SLC16A1: variants seen among roughly 807,000 people sequenced by gnomAD.
SLC16A1 encodes monocarboxylate transporter 1.
A neutral mutation model predicts 32.2 loss-of-function variants in SLC16A1; 11 were observed. The observed-to-expected ratio is 0.34, with a 90% CI of 0.21 to 0.56. The LOEUF (loss-of-function observed/expected upper bound fraction) is 0.56, where lower values mean the gene tolerates loss of function less well. SLC16A1 is among the 20% of genes least tolerant of loss of function. SLC16A1 has a pLI of 0.87. For missense variants in SLC16A1, 435 were observed against 615.0 expected (o/e 0.71, Z 3.10); for synonymous variants, 231 against 226.8 (o/e 1.02, Z -0.17).
At chr1:112,945,295 G>A (rs532147712) in intron 1 of SLC16A1, among the ~76,000 whole-genome samples, 22 of 152,078 alleles carry the variant, frequency 1.4e-4, no homozygotes, top group Admixed American at 6.5e-4. Context: ...GTGCCTGGCC[G>A]GAAACATTTT....
intron 1 of SLC16A1, among the ~76,000 whole-genome samples, chr1:112,947,296 TA>T (rs1337105349): frequency 2.6e-5 from 4 of 152,252 alleles, no homozygotes; most frequent in East Asian, 1.9e-4. Flanking sequence ...CTGGCTGGAT[TA>T]AAGTTACAAA....
At chr1:112,925,814 G>A (rs1338387441) in intron 2 of SLC16A1, among the ~76,000 whole-genome samples, 1 of 152,150 alleles carries the variant, frequency 6.6e-6, no homozygotes, top group African/African-American at 2.4e-5. Context: ...CATATATTCA[G>A]AATATACTAA....
At chr1:112,926,770 A>T (rs1273201054) in intron 2 of SLC16A1, among the ~76,000 whole-genome samples, 1 of 151,916 alleles carries the variant, frequency 6.6e-6, no homozygotes, top group Non-Finnish European at 1.5e-5. Context: ...GCTACTTGGC[A>T]GGGTGAAGGG....
Position 112,917,060 on chromosome 1 carries a change from T to G in SLC16A1, c.1228+118A>C. On this transcript the variant is annotated intron_variant, in intron 4 of 4. Transcript: ENST00000369626. This position sits in a 1 kb window ranked among gnomAD's most constrained non-coding sequence, Gnocchi z 4.1. ...GCATTGTCCCAGCATCAAGGGTACA[T>G]AAATGAGAAAGATTTATTCTTACCC... 7.8e-7 allele frequency: 1 copy of G among 1,288,812 alleles called. No homozygotes were observed. The highest frequency in any genetic ancestry group is 1.1e-6 in the Non-Finnish European group (1 of 908,794). The allele number at this position is 1,288,812 out of a possible 1,614,324, so 79.8% of individuals were successfully genotyped here.
chr1:112,932,553 C>T (rs908141536), intron 1 of SLC16A1, among the ~76,000 whole-genome samples: 5 of 151,940 alleles, frequency 3.3e-5, no homozygotes, highest in African/African-American at 1.2e-4. Flanking sequence ...CTGTAATCCC[C>T]AGCACTTTGG....
intron 1 of SLC16A1, among the ~76,000 whole-genome samples, chr1:112,938,845 T>C (rs945343031): frequency 1.3e-5 from 2 of 152,102 alleles, no homozygotes; most frequent in Admixed American, 6.6e-5. Flanking sequence ...ATTATTTACA[T>C]AGACCACTCT....
At chr1:112,943,057 TAAG>T (rs1649564456) in intron 1 of SLC16A1, among the ~76,000 whole-genome samples, 1 of 152,206 alleles carries the variant, frequency 6.6e-6, no homozygotes. Flanking sequence ...ATTCTCCTTG[TAAG>T]AAAATGACTT....
chr1:112,936,642 A>T (rs1649319705), intron 1 of SLC16A1, among the ~76,000 whole-genome samples: 1 of 151,930 alleles, frequency 6.6e-6, no homozygotes, highest in Non-Finnish European at 1.5e-5. Flanking sequence ...TTCCTTTGAG[A>T]TTTTTATTGC....
chr1:112,920,695 T>C (rs930574637), intron 3 of SLC16A1, among the ~76,000 whole-genome samples: 1 of 152,076 alleles, frequency 6.6e-6, no homozygotes, highest in East Asian at 1.9e-4. Flanking sequence ...TGGACAAATA[T>C]TTTCATAATC....
chr1:112,923,722 T>C (rs1648825002), intron 2 of SLC16A1: 17 of 1,537,250 alleles, frequency 1.1e-5, no homozygotes, highest in Non-Finnish European at 1.5e-5. Flanking sequence ...GAAGAGACAC[T>C]GAGTGCCTGC....
intron 2 of SLC16A1, among the ~76,000 whole-genome samples, chr1:112,927,625 C>T (rs887637726): frequency 6.6e-6 from 1 of 151,996 alleles, no homozygotes; most frequent in African/African-American, 2.4e-5. Flanking sequence ...AAGGATAGGC[C>T]TAATTAGCTA....
At chr1:112,915,293 A>C (rs932658841) in intron 4 of SLC16A1, among the ~76,000 whole-genome samples, 6 of 152,152 alleles carry the variant, frequency 3.9e-5, no homozygotes, top group Non-Finnish European at 8.8e-5. Flanking sequence ...TGGGATTTGC[A>C]GGATAGGAAT....
At chr1:112,939,691 G>A (rs1389307956) in intron 1 of SLC16A1, among the ~76,000 whole-genome samples, 1 of 151,754 alleles carries the variant, frequency 6.6e-6, no homozygotes, top group Non-Finnish European at 1.5e-5. Flanking sequence ...TTATTAGTAG[G>A]AAGGGGTTTC....
chr1:112,916,496 T>TAAAAAAAAA (rs570173297), intron 4 of SLC16A1, among the ~76,000 whole-genome samples: 1 of 61,202 alleles, frequency 1.6e-5, no homozygotes, highest in African/African-American at 6.4e-5. Context: ...AAGACTGTCT[T>TAAAAAAAAA]AAAAAAAAAA....
chr1:112,922,600 C>A (rs1271803079), intron 2 of SLC16A1, among the ~76,000 whole-genome samples: 1 of 152,042 alleles, frequency 6.6e-6, no homozygotes, highest in African/African-American at 2.4e-5. Context: ...ATGGCGAAAC[C>A]CCGTCTCGAC....
chr1:112,951,652 G>A (rs1303358761), intron 1 of SLC16A1, among the ~76,000 whole-genome samples: 5 of 152,026 alleles, frequency 3.3e-5, no homozygotes, highest in South Asian at 2.1e-4. Context: ...CAAAAGAAAC[G>A]CCATAAATTT....
chr1:112,921,140 C>CAAAAA (rs11352959), intron 3 of SLC16A1, among the ~76,000 whole-genome samples: 2 of 88,496 alleles, frequency 2.3e-5, no homozygotes, highest in Admixed American at 1.4e-4. Flanking sequence ...GACTCCGTCT[C>CAAAAA]AAAAAAAAAA....
At chr1:112,927,928 C>G (rs1036452295) in intron 2 of SLC16A1, among the ~76,000 whole-genome samples, 10 of 152,254 alleles carry the variant, frequency 6.6e-5, no homozygotes, top group African/African-American at 2.4e-4. Context: ...CCAATTTCTT[C>G]AAGCCATCAT....
intron 2 of SLC16A1, among the ~76,000 whole-genome samples, chr1:112,927,932 C>G (rs571319892): frequency 6.8e-4 from 104 of 152,242 alleles, no homozygotes; most frequent in Non-Finnish European, 1.3e-3. Context: ...TTTCTTCAAG[C>G]CATCATAGTC....
Sources: gnomAD v4.1 joint callset for allele counts (sites outside exome capture counted in the v4.1 genomes callset) on GRCh38, gnomAD v4.1.1 for gene constraint, Gnocchi (gnomAD v3.1) non-coding constraint, MANE v1.5 for transcripts, NCBI Gene and HGNC (gene_info 2026-07-23, HGNC 2026-07-21) for gene names.